The following PSMA1 variants were observed in gnomAD, a reference collection of about 807,000 sequenced individuals.
PSMA1 encodes the protein proteasome 20S subunit alpha 1.
A neutral mutation model predicts 38.4 loss-of-function variants in PSMA1; 3 were observed. The ratio of observed to expected loss-of-function variants is 0.08; its 90% confidence interval spans 0.04 to 0.20. PSMA1 has a LOEUF of 0.20. Ranked by LOEUF, PSMA1 falls within the 10% of genes least tolerant of loss-of-function variation. The pLI is 1.00. For synonymous variants in PSMA1, 101 were observed against 107.1 expected, an observed-to-expected ratio of 0.94 and a Z score of 0.35; for missense variants, 227 against 325.3, an observed-to-expected ratio of 0.70 and a Z score of 2.32.
chr11:14,552,603 A>G (rs1444350105), intron 2 of PSMA1, among the ~76,000 whole-genome samples: 2 of 152,134 alleles, frequency 1.3e-5, no homozygotes, highest in African/African-American at 4.8e-5. Flanking sequence ...TCTTGAAAAT[A>G]TGCTACTTGC....
chr11:14,615,947 T>C (rs986082179), intron 1 of PSMA1, among the ~76,000 whole-genome samples: 3 of 152,130 alleles, frequency 2.0e-5, no homozygotes, highest in African/African-American at 7.2e-5. Context: ...AGGGGATCTC[T>C]AGAATGTGCA....
intron 2 of PSMA1, among the ~76,000 whole-genome samples, chr11:14,599,264 C>A (rs1852546949): frequency 6.6e-6 from 1 of 152,098 alleles, no homozygotes; most frequent in South Asian, 2.1e-4. Context: ...TTCTGTATTT[C>A]CTGAATTTGA....
At chr11:14,622,420 T>C (rs1852858477) in intron 1 of PSMA1, among the ~76,000 whole-genome samples, 1 of 152,224 alleles carries the variant, frequency 6.6e-6, no homozygotes, top group Non-Finnish European at 1.5e-5. Context: ...TACATTACAT[T>C]GATGACATTA....
rs1454542951 is a variant in PSMA1 at position 14,630,194 on chromosome 11, A to G, written c.-166+13261T>C. The stretch of plus-strand genomic sequence containing the variant: ...CTAATTGCCCTGGCCAGAACTTCCA[A>G]CACTATGTTGAATAGGAGTGGTGAG... On this transcript the variant is annotated intron_variant, in intron 1 of 10. Transcript: ENST00000418988. Among the ~76,000 whole-genome samples, 9 of 152,198 alleles carry G rather than the reference A, an allele frequency of 5.9e-5. No homozygotes were observed. The South Asian group carries it at 1.7e-3, about 28-fold the overall frequency.
intron 2 of PSMA1, among the ~76,000 whole-genome samples, chr11:14,574,070 G>A (rs972613661): frequency 6.6e-6 from 1 of 152,166 alleles, no homozygotes; most frequent in Non-Finnish European, 1.5e-5. Flanking sequence ...GAGAAGCAGA[G>A]TATAAAAGTT....
At chr11:14,558,705 T>C (rs1306334162) in intron 2 of PSMA1, among the ~76,000 whole-genome samples, 1 of 152,198 alleles carries the variant, frequency 6.6e-6, no homozygotes, top group African/African-American at 2.4e-5. Context: ...TATGTGGTTT[T>C]TGATTTAGAA....
chr11:14,520,413 G>C, upstream of PSMA1: 1 of 1,610,788 alleles, frequency 6.2e-7, no homozygotes, highest in Admixed American at 1.7e-5. Flanking sequence ...GACGGCGGCG[G>C]CGCAGGGTAG....
At chr11:14,516,329 T>C (rs1851428698) in intron 4 of PSMA1, among the ~76,000 whole-genome samples, 2 of 152,190 alleles carry the variant, frequency 1.3e-5, no homozygotes, top group African/African-American at 4.8e-5. Flanking sequence ...CTCAGCCTTT[T>C]GAGTAGCTAG....
chr11:14,635,984 C>A (rs1043291181), intron 1 of PSMA1, among the ~76,000 whole-genome samples: 4 of 151,970 alleles, frequency 2.6e-5, no homozygotes, highest in Admixed American at 6.6e-5. Flanking sequence ...TAAGGGGAAT[C>A]CATTATTTTA....
intron 2 of PSMA1, among the ~76,000 whole-genome samples, chr11:14,536,334 C>T (rs1270729509): frequency 2.0e-5 from 3 of 152,086 alleles, no homozygotes; most frequent in Non-Finnish European, 4.4e-5. Flanking sequence ...CGAAACCAGC[C>T]TGACCAACAT....
chr11:14,608,592 A>T (rs982626925), intron 2 of PSMA1, among the ~76,000 whole-genome samples: 5 of 148,402 alleles, frequency 3.4e-5, no homozygotes, highest in East Asian at 1.9e-4. Context: ...GCAAAAAAAA[A>T]TTTTATATAT....
chr11:14,517,964 A>T lies in PSMA1; in HGVS notation c.66T>A (p.Ile22=). 5.6e-6 allele frequency: 9 copies of T among 1,603,288 alleles called. No homozygotes were observed. Among genetic ancestry groups the T allele is most frequent in the Non-Finnish European group, 7.7e-6 (9 of 1,176,064 alleles). The change falls in exon 3 of 10, where the codon ATT becomes ATA. Residue 22 remains isoleucine (I), a synonymous_variant. Transcript: ENST00000396394. Reference sequence around the variant, plus strand: ...GTTTAACAGCTTCCATTGCATATTCAATTTGATGAATCCTGCCCTAAAGAA... The same window carrying T: ...GTTTAACAGCTTCCATTGCATATTCTATTTGATGAATCCTGCCCTAAAGAA... ...VWSPQGRIHQ[I]EYAMEAVKQG... is the part of the protein sequence containing the mutation.
intron 1 of PSMA1, among the ~76,000 whole-genome samples, chr11:14,631,280 C>T (rs1457646465): frequency 1.3e-5 from 2 of 152,076 alleles, no homozygotes; most frequent in Non-Finnish European, 2.9e-5. Context: ...TTCGATATTT[C>T]CTGCTTTCTC....
At chr11:14,589,781 G>T (rs1429584261) in intron 2 of PSMA1, among the ~76,000 whole-genome samples, 1 of 152,154 alleles carries the variant, frequency 6.6e-6, no homozygotes, top group East Asian at 1.9e-4. Flanking sequence ...TCCTGGGCCT[G>T]GGGTTAATCA....
chr11:14,609,875 G>A (rs1852690298), intron 2 of PSMA1, among the ~76,000 whole-genome samples: 2 of 152,212 alleles, frequency 1.3e-5, no homozygotes, highest in Admixed American at 6.5e-5. Context: ...ATGCTTTGCT[G>A]AGAAGAGACT....
At chr11:14,558,904 A>T (rs148067510) in intron 2 of PSMA1, among the ~76,000 whole-genome samples, 8 of 152,190 alleles carry the variant, frequency 5.3e-5, no homozygotes, top group Admixed American at 4.6e-4. Flanking sequence ...CTACACAAAG[A>T]GAATGCTGTT....
chr11:14,572,415 C>A (rs1440103167), intron 2 of PSMA1, among the ~76,000 whole-genome samples: 1 of 152,172 alleles, frequency 6.6e-6, no homozygotes, highest in African/African-American at 2.4e-5. Context: ...TGAACGACTA[C>A]TGAGTACATA....
At chr11:14,634,013 C>A (rs983925273) in intron 1 of PSMA1, among the ~76,000 whole-genome samples, 5 of 152,314 alleles carry the variant, frequency 3.3e-5, no homozygotes, top group African/African-American at 1.2e-4. Flanking sequence ...ACGGTGTGCA[C>A]ACCCACTGAC....
At chr11:14,640,668 G>A (rs939743126) in intron 1 of PSMA1, among the ~76,000 whole-genome samples, 3 of 152,140 alleles carry the variant, frequency 2.0e-5, no homozygotes, top group Non-Finnish European at 2.9e-5. Context: ...CAACAGAGTC[G>A]CTACTGCACA....
Sources: gnomAD v4.1 joint callset for allele counts (sites outside exome capture counted in the v4.1 genomes callset) on GRCh38, gnomAD v4.1.1 for gene constraint, MANE v1.5 for transcripts, NCBI Gene and HGNC (gene_info 2026-07-23, HGNC 2026-07-21) for gene names.